The following UBP1 variants were observed in gnomAD, a reference collection of about 807,000 sequenced individuals.
UBP1 encodes upstream-binding protein 1.
A neutral mutation model predicts 76.1 loss-of-function variants in UBP1; 22 were observed. That is an observed-to-expected ratio of 0.29 (90% CI 0.21 to 0.41). The LOEUF is 0.41. UBP1 is among the 10% of genes least tolerant of loss of function. UBP1 has a pLI of 1.00. For missense variants in UBP1, 436 were observed against 668.1 expected (o/e 0.65, Z 3.83); for synonymous variants, 224 against 237.1 (o/e 0.94, Z 0.51).
chr3:33,414,474 C>T (rs1299084833), intron 3 of UBP1, among the ~76,000 whole-genome samples: 1 of 152,090 alleles, frequency 6.6e-6, no homozygotes, highest in Non-Finnish European at 1.5e-5. Flanking sequence ...TCAGAGAAAG[C>T]ACATTGCTAA....
Position 33,411,589 on chromosome 3 carries a change from A to C in UBP1, c.547T>G (p.Phe183Val). ...AATGTAAAAATCCAAACCTGAATGA[A>C]AGCAGAGGTGCGTTTTGCTGGGTCC... is the stretch of plus-strand genomic sequence containing the variant. ...LWDPAKRTSA[F>V]IQVHCISTEF... The change falls in exon 5 of 16, where the codon TTC (phenylalanine) becomes GTC (valine). Residue 183 changes from phenylalanine to valine, a missense_variant. By Grantham distance (50) the Phe-to-Val change is conservative. Around this residue, in one of 3 missense-constraint regions of UBP1, gnomAD observed 161 missense variants for 237.9 expected, o/e 0.68. Transcript: ENST00000283629. The C allele has an allele frequency of 6.2e-7, 1 of 1,614,076 alleles. No individual in the cohort carries two copies. Among genetic ancestry groups the C allele is most frequent in the Non-Finnish European group, 8.5e-7 (1 of 1,179,940 alleles).
chr3:33,395,451 T>G (rs1249477917), intron 13 of UBP1, among the ~76,000 whole-genome samples: 2 of 152,082 alleles, frequency 1.3e-5, no homozygotes, highest in African/African-American at 4.8e-5. Context: ...AAATGCTTGC[T>G]TTTTTTAAGG....
chr3:33,424,120 T>C (rs1442363846), intron 2 of UBP1, among the ~76,000 whole-genome samples: 5 of 152,246 alleles, frequency 3.3e-5, no homozygotes, highest in African/African-American at 4.8e-5. Context: ...TGAATATCCT[T>C]GCCCCTACAT....
upstream of UBP1, chr3:33,440,501 C>T (rs2045280479): frequency 6.6e-6 from 1 of 152,076 alleles, no homozygotes; most frequent in Non-Finnish European, 1.5e-5. Flanking sequence ...CCCCGCGCCT[C>T]GCGGCCCAGG....
chr3:33,395,879 A>T (rs1335506126), intron 13 of UBP1, among the ~76,000 whole-genome samples: 1 of 149,844 alleles, frequency 6.7e-6, no homozygotes, highest in Admixed American at 6.6e-5. Context: ...AACTCAATGC[A>T]TTCAAGCTAG....
chr3:33,419,143 G>A (rs570660336), intron 2 of UBP1, among the ~76,000 whole-genome samples: 2 of 152,254 alleles, frequency 1.3e-5, no homozygotes, highest in African/African-American at 4.8e-5. Flanking sequence ...TCAAGGAATT[G>A]AAGAAGAGTC....
chr3:33,422,147 T>C (rs1223135813), intron 2 of UBP1, among the ~76,000 whole-genome samples: 1 of 152,246 alleles, frequency 6.6e-6, no homozygotes, highest in Non-Finnish European at 1.5e-5. Flanking sequence ...TACTTTAAAT[T>C]AGCAAGCTTC....
At chr3:33,398,333 C>T (rs144224963) in intron 11 of UBP1, 2 of 152,272 alleles carry the variant, frequency 1.3e-5, no homozygotes, top group African/African-American at 4.8e-5. Context: ...AGCACATCTC[C>T]CATGAGACAT....
intron 1 of UBP1, among the ~76,000 whole-genome samples, chr3:33,436,233 G>A (rs1342833456): frequency 6.6e-6 from 1 of 152,108 alleles, no homozygotes; most frequent in Non-Finnish European, 1.5e-5. Context: ...ATTAACAAAC[G>A]TATTACCTCA....
intron 9 of UBP1, among the ~76,000 whole-genome samples, chr3:33,401,350 GA>G (rs1456308758): frequency 1.3e-5 from 2 of 151,826 alleles, no homozygotes; most frequent in Non-Finnish European, 2.9e-5. Flanking sequence ...AAAGTTAGGG[GA>G]AAAAATATGA....
At position 33,389,002 on chromosome 3, in the gene UBP1, A is replaced by C. The variant is rs1414401839; in HGVS notation, c.*1329T>G. 3 of 152,264 alleles carry C rather than the reference A, an allele frequency of 2.0e-5. No individual in the cohort carries two copies. Among genetic ancestry groups the C allele is most frequent in the Non-Finnish European group, 4.4e-5 (3 of 68,022 alleles). 9.4% of individuals were successfully genotyped at this position (152,264 alleles called of 1,614,324 possible). On this transcript the variant is annotated 3_prime_UTR_variant, in exon 16 of 16. Transcript: ENST00000283629. ...ATATCCTACAATTAAAATGGAATAG[A>C]AGTTAAAAAAAAAATTCAGTCCCCT...
intron 1 of UBP1, among the ~76,000 whole-genome samples, chr3:33,438,450 C>T (rs1001213063): frequency 4.6e-5 from 7 of 152,236 alleles, no homozygotes; most frequent in Admixed American, 2.0e-4. Context: ...GCCTCTAATA[C>T]TCCCCTCTGG....
intron 2 of UBP1, among the ~76,000 whole-genome samples, chr3:33,423,884 G>A (rs1425654653): frequency 6.6e-6 from 1 of 152,184 alleles, no homozygotes; most frequent in Non-Finnish European, 1.5e-5. Context: ...GGTGGATTAT[G>A]ACTTTTATCG....
chr3:33,395,115 C>T (rs1575448522), intron 13 of UBP1, among the ~76,000 whole-genome samples: 1 of 152,132 alleles, frequency 6.6e-6, no homozygotes, highest in African/African-American at 2.4e-5. Context: ...CTTGATGATA[C>T]ATGGAGATCT....
chr3:33,392,272 T>C (rs1231303156), intron 15 of UBP1: 2 of 299,130 alleles, frequency 6.7e-6, no homozygotes, highest in East Asian at 6.2e-5. Flanking sequence ...GATTCTGTTT[T>C]ATTCAATAGA....
At chr3:33,423,342 AT>A (rs139311665) in intron 2 of UBP1, among the ~76,000 whole-genome samples, 16,067 of 152,104 alleles carry the variant, frequency 0.11, 932 homozygotes, top group Admixed American at 0.16. Context: ...CCCGGCCCAT[AT>A]TTTTTAAAAT....
intron 1 of UBP1, among the ~76,000 whole-genome samples, chr3:33,435,351 T>G (rs746020267): frequency 1.7e-4 from 26 of 152,216 alleles, no homozygotes; most frequent in Non-Finnish European, 2.4e-4. Flanking sequence ...AATCCTAAAA[T>G]TGTTCTACAC....
At chr3:33,391,446 CTT>C (rs2154054137) in intron 15 of UBP1, 2 of 152,308 alleles carry the variant, frequency 1.3e-5, no homozygotes, top group East Asian at 3.9e-4. Flanking sequence ...ACTTCTACAG[CTT>C]TGAGTCACTG....
intron 1 of UBP1, among the ~76,000 whole-genome samples, chr3:33,435,724 T>C (rs2045193700): frequency 6.6e-6 from 1 of 152,168 alleles, no homozygotes; most frequent in Admixed American, 6.5e-5. Flanking sequence ...TAGATTAGCC[T>C]ACAGTCGGGG....
Sources: allele counts gnomAD v4.1 joint callset (sites outside exome capture counted in the v4.1 genomes callset), GRCh38; gene constraint gnomAD v4.1.1; regional missense constraint gnomAD v4.1.1; transcripts MANE v1.5; gene names NCBI Gene and HGNC (gene_info 2026-07-23, HGNC 2026-07-21).